The following ESYT2 variants were observed in gnomAD, a reference collection of about 807,000 sequenced individuals.
ESYT2 encodes extended synaptotagmin 2, also known as extended synaptotagmin-2.
A neutral mutation model predicts 107.2 loss-of-function variants in ESYT2; 54 were observed. The observed-to-expected ratio is 0.50, with a 90% CI of 0.40 to 0.63. The LOEUF (loss-of-function observed/expected upper bound fraction) is 0.63, where lower values mean the gene tolerates loss of function less well. ESYT2 is among the 30% of genes least tolerant of loss of function. The probability of loss-of-function intolerance (pLI) is 0.00; values close to 1 mark genes in which losing one functional copy is unlikely to be tolerated. For synonymous variants in ESYT2, 491 were observed against 434.1 expected, an observed-to-expected ratio of 1.13 and a Z score of -1.63; for missense variants, 1,020 against 1,094.5, an observed-to-expected ratio of 0.93 and a Z score of 0.96.
At chr7:158,783,913 G>C (rs1344491894) in intron 6 of ESYT2, among the ~76,000 whole-genome samples, 2 of 152,210 alleles carry the variant, frequency 1.3e-5, no homozygotes, top group Admixed American at 6.5e-5. Context: ...CCATGGGGGA[G>C]GGAAGCACCT....
intron 1 of ESYT2, among the ~76,000 whole-genome samples, chr7:158,804,336 G>A (rs1242142475): frequency 6.9e-6 from 1 of 144,936 alleles, no homozygotes; most frequent in African/African-American, 2.7e-5. Context: ...CCAAACCGCC[G>A]AGAAGGGTGA....
At position 158,764,586 on chromosome 7, in the gene ESYT2, C is replaced by T. The variant is rs1024862419; in HGVS notation, c.1101+91G>A. The T allele has an allele frequency of 3.0e-6, 4 of 1,325,058 alleles. No homozygotes were observed. In the African/African-American group the frequency reaches 4.4e-5, roughly 15 times the overall value. The allele number at this position is 1,325,058 out of a possible 1,614,324, so 82.1% of individuals were successfully genotyped here. Reference sequence around the variant, plus strand: ...TAAATGATGGCCTAAATGAGCCACACTCCCACGTGACTGTGCTGGAATGAG... The same window carrying T: ...TAAATGATGGCCTAAATGAGCCACATTCCCACGTGACTGTGCTGGAATGAG... On this transcript the variant is annotated intron_variant, in intron 9 of 22. Transcript: ENST00000275418.
intron 6 of ESYT2, among the ~76,000 whole-genome samples, chr7:158,779,862 C>T (rs189537075): frequency 2.2e-4 from 33 of 152,316 alleles, no homozygotes; most frequent in African/African-American, 7.7e-4. Context: ...AGCTTATGAA[C>T]AAGGGGTTCT....
chr7:158,739,021 A>T lies in ESYT2; in HGVS notation c.2267+2T>A. ...GCGGGCGCGTGGGACCCCAGCCCCC[A>T]CCTGCAGGCATGCACGACCACGATA... On this transcript the variant is annotated splice_donor_variant, in intron 19 of 22. Transcript: ENST00000275418. LOFTEE classifies it high-confidence loss of function. The T allele has an allele frequency of 6.2e-7, 1 of 1,613,782 alleles. No homozygotes were observed. The highest frequency in any genetic ancestry group is 8.5e-7 in the Non-Finnish European group (1 of 1,179,792).
intron 6 of ESYT2, among the ~76,000 whole-genome samples, chr7:158,782,646 AAAG>A (rs959367509): frequency 1.8e-4 from 9 of 50,064 alleles, no homozygotes; most frequent in Non-Finnish European, 4.9e-4. Context: ...ATGTGAGAAC[AAAG>A]AAGTATTAAA....
At chr7:158,776,202 G>A (rs910038945) in intron 6 of ESYT2, among the ~76,000 whole-genome samples, 18 of 152,166 alleles carry the variant, frequency 1.2e-4, no homozygotes, top group African/African-American at 4.3e-4. Flanking sequence ...TGTAGATATA[G>A]CGTGATTCTT....
chr7:158,764,112 C>T (rs1355594935), intron 9 of ESYT2, among the ~76,000 whole-genome samples: 1 of 152,178 alleles, frequency 6.6e-6, no homozygotes, highest in African/African-American at 2.4e-5. Flanking sequence ...CCAGCAATTT[C>T]ACTTTAAAGA....
intron 3 of ESYT2, among the ~76,000 whole-genome samples, chr7:158,797,573 C>T (rs1157391608): frequency 1.3e-5 from 2 of 151,736 alleles, no homozygotes; most frequent in Non-Finnish European, 2.9e-5. Context: ...ATGTGTTTTT[C>T]GGCCAGGCGC....
chr7:158,735,641 A>T (rs1836911267), intron 20 of ESYT2, 33 bp from the exon 21 acceptor site: 1 of 1,554,582 alleles, frequency 6.4e-7, no homozygotes. Flanking sequence ...TACTTTATCC[A>T]TCATTCTGCT....
At chr7:158,811,370 A>C (rs1839990552) in intron 1 of ESYT2, among the ~76,000 whole-genome samples, 1 of 152,212 alleles carries the variant, frequency 6.6e-6, no homozygotes, top group African/African-American at 2.4e-5. Flanking sequence ...CAACAAAGGT[A>C]CCCAGTGAGC....
intron 13 of ESYT2, among the ~76,000 whole-genome samples, chr7:158,753,062 A>G (rs943904048): frequency 6.6e-6 from 1 of 152,244 alleles, no homozygotes. Context: ...ATCAAAAGAC[A>G]GCTCCTTATC....
rs941154469 is a variant in ESYT2, at chr7:158,801,351, G to A, written c.331-2279C>T. Among the ~76,000 whole-genome samples, 13 of 152,164 alleles carry A rather than the reference G, an allele frequency of 8.5e-5. 1 individual carries two copies. Among genetic ancestry groups the A allele is most frequent in the Admixed American group, 2.0e-4 (3 of 15,282 alleles). ...TCCCAAGGCATTCAATAGTTCTGAG[G>A]TTTTTCATCTATGAGTGATTATCCC... On this transcript the variant is annotated intron_variant, in intron 1 of 22. Transcript: ENST00000275418.
At chr7:158,813,666 G>A (rs907223381) in intron 1 of ESYT2, among the ~76,000 whole-genome samples, 1 of 152,240 alleles carries the variant, frequency 6.6e-6, no homozygotes, top group African/African-American at 2.4e-5. Flanking sequence ...TTTCAGGCAG[G>A]AGGAAAATCA....
rs61564073 is a variant in ESYT2 at position 158,824,467 on chromosome 7, A to T, written c.330+4622T>A. Among the ~76,000 whole-genome samples the T allele has an allele frequency of 1.3e-4, 20 of 152,244 alleles. No individual in the cohort carries two copies. The East Asian group carries it at 3.9e-3, about 29-fold the overall frequency. On this transcript the variant is annotated intron_variant, in intron 1 of 22. Coordinates refer to ENST00000275418, the MANE Select transcript of ESYT2 (RefSeq NM_001367773.1). ...TCTTTACATGAGATCACAGTGCATT[A>T]TTTTCTTCTGTTCATTTAGTTCTTA...
intron 16 of ESYT2, among the ~76,000 whole-genome samples, chr7:158,747,981 C>G (rs1474475239): frequency 6.6e-6 from 1 of 152,140 alleles, no homozygotes; most frequent in African/African-American, 2.4e-5. Context: ...TGTATAAAAT[C>G]CTGGAAAATG....
At chr7:158,806,834 C>T (rs1839845539) in intron 1 of ESYT2, among the ~76,000 whole-genome samples, 1 of 152,054 alleles carries the variant, frequency 6.6e-6, no homozygotes, top group Non-Finnish European at 1.5e-5. Context: ...CTAAGACAAT[C>T]CGGTTGTTTT....
intron 3 of ESYT2, among the ~76,000 whole-genome samples, chr7:158,795,632 C>T (rs1005436282): frequency 1.2e-4 from 17 of 145,538 alleles, no homozygotes; most frequent in Non-Finnish European, 1.8e-4. Flanking sequence ...ACAGACAGAG[C>T]ATGCAGCCCC....
chr7:158,782,478 AGT>A (rs374473902), intron 6 of ESYT2, among the ~76,000 whole-genome samples: 94 of 85,690 alleles, frequency 1.1e-3, no homozygotes, highest in African/African-American at 2.5e-3. Flanking sequence ...GTGTGAGAAC[AGT>A]GAGAGGTGTG....
At chr7:158,788,776 A>C (rs1001580715) in intron 4 of ESYT2, among the ~76,000 whole-genome samples, 1 of 152,258 alleles carries the variant, frequency 6.6e-6, no homozygotes, top group African/African-American at 2.4e-5. Flanking sequence ...GATGCAATGT[A>C]GTTTTCTTAC....
Sources: gnomAD v4.1 joint callset for allele counts (sites outside exome capture counted in the v4.1 genomes callset) on GRCh38, gnomAD v4.1.1 for gene constraint, MANE v1.5 for transcripts, NCBI Gene and HGNC (gene_info 2026-07-23, HGNC 2026-07-21) for gene names.